The following U2AF2 variants were observed in gnomAD, a reference collection of about 807,000 sequenced individuals.
The protein encoded by U2AF2 is U2 small nuclear RNA auxiliary factor 2, also known as splicing factor U2AF 65 kDa subunit.
Under a neutral mutation model 52.6 loss-of-function variants are expected in U2AF2, and 6 were observed. That is an observed-to-expected ratio of 0.11 (90% CI 0.06 to 0.23). U2AF2 has a LOEUF of 0.23. Ranked by LOEUF, U2AF2 falls within the 10% of genes least tolerant of loss-of-function variation. The pLI, the probability that U2AF2 is intolerant of heterozygous loss-of-function variation, is 1.00. For synonymous variants in U2AF2, 284 were observed against 258.2 expected (o/e 1.10, Z -0.96); for missense variants, 222 against 677.1 (o/e 0.33, Z 7.46).
chr19:55,655,388 C>T lies in U2AF2; in HGVS notation c.49+235C>T, dbSNP rs1983717070. Among the ~76,000 whole-genome samples the T allele has an allele frequency of 2.0e-5, 3 of 152,168 alleles. No individual in the cohort carries two copies. In the South Asian group the frequency reaches 6.2e-4, roughly 31 times the overall value. ...GTGACGCATGCGCACGGCGGCTGTC[C>T]CTGCGCCCCACGTGGTCCTGGCGGA... is the stretch of plus-strand genomic sequence containing the variant. On this transcript the variant is annotated intron_variant, in intron 1 of 11. Coordinates refer to ENST00000308924, the MANE Select transcript of U2AF2 (RefSeq NM_007279.3).
intron 7 of U2AF2, among the ~76,000 whole-genome samples, chr19:55,666,633 T>TG (rs1307189827): frequency 6.6e-6 from 1 of 152,228 alleles, no homozygotes; most frequent in Non-Finnish European, 1.5e-5. Flanking sequence ...GCTCACACGA[T>TG]GGGCACCAGG....
intron 5 of U2AF2, chr19:55,661,407 C>T: frequency 2.0e-6 from 1 of 509,980 alleles, no homozygotes; most frequent in Non-Finnish European, 3.4e-6. Flanking sequence ...CCCCTCCCCC[C>T]AACCTCCTCC....
In U2AF2 at chr19:55,655,098, C is replaced by T; in HGVS notation, c.-7C>T. The T allele has an allele frequency of 6.2e-7, 1 of 1,606,216 alleles. No homozygotes were observed. ...AGCTGCACAGGGCCCTACGCGGCCG[C>T]CTCAGCATGTCGGACTTCGACGAGT... On this transcript the variant is annotated 5_prime_UTR_variant, in exon 1 of 12. Coordinates refer to ENST00000308924, the MANE Select transcript of U2AF2 (RefSeq NM_007279.3).
At position 55,663,731 on chromosome 19, in the gene U2AF2, C is replaced by T. The variant is rs139711814; in HGVS notation, c.729C>T (p.Ser243=). The part of the protein sequence containing the change: ...QPLPGMSENP[S]VYVPGVVSTV... ...TTCCTGGCATGTCAGAGAACCCCTC[C>T]GTCTATGTGCCTGGTGAGTGGGGGA... Residue 243 remains serine (S), a synonymous_variant, in exon 7 of 12, where the codon TCC becomes TCT. Transcript: ENST00000308924. 1.1e-3 allele frequency: 1,705 copies of T among 1,614,138 alleles called. 6 individuals carry two copies. The highest frequency in any genetic ancestry group is 8.1e-4 in the Non-Finnish European group (953 of 1,180,014).
intron 10 of U2AF2, 63 bp from the exon 11 acceptor site, chr19:55,669,381 C>A (rs573781476): frequency 3.9e-6 from 6 of 1,555,978 alleles, no homozygotes; most frequent in South Asian, 1.2e-5. Context: ...GGGGCCTAGG[C>A]TTGAGCAGAG....
At chr19:55,655,252 C>G in intron 1 of U2AF2, 99 bp downstream of exon 1, 1 of 1,320,644 alleles carries the variant, frequency 7.6e-7, no homozygotes, top group Non-Finnish European at 1.0e-6. Flanking sequence ...CACTTCACGG[C>G]CGCGCGGCGC....
At chr19:55,669,356 T>C in intron 10 of U2AF2, 88 bp from the exon 11 acceptor site, 1 of 1,543,304 alleles carries the variant, frequency 6.5e-7, no homozygotes. Context: ...GCCTTTCCCC[T>C]GGGGGGGCAT....
At chr19:55,658,009 A>G (rs1214666729) in intron 1 of U2AF2, among the ~76,000 whole-genome samples, 1 of 152,150 alleles carries the variant, frequency 6.6e-6, no homozygotes, top group Non-Finnish European at 1.5e-5. Context: ...TGCTGGGTGC[A>G]TATTTTTCTG....
In U2AF2 at chr19:55,674,442, T is replaced by C. The variant is rs756238986; in HGVS notation, c.*374T>C. The C allele has an allele frequency of 1.0e-5, 2 of 192,462 alleles. No homozygotes were observed. Among genetic ancestry groups the C allele is most frequent in the African/African-American group, 4.7e-5 (2 of 42,576 alleles). 11.9% of individuals were successfully genotyped at this position (192,462 alleles called of 1,614,324 possible). On this transcript the variant is annotated 3_prime_UTR_variant, in exon 12 of 12. Coordinates refer to ENST00000308924, the MANE Select transcript of U2AF2 (RefSeq NM_007279.3). The stretch of plus-strand genomic sequence containing the variant: ...TCTCCCCTTCCCCACGGTAGGAACA[T>C]AGCGTGTTTATATTTTATGGCCAAA...
At chr19:55,658,353 G>T (rs1983933826) in intron 1 of U2AF2, among the ~76,000 whole-genome samples, 1 of 144,520 alleles carries the variant, frequency 6.9e-6, no homozygotes, top group Non-Finnish European at 1.5e-5. Flanking sequence ...CTCTCTTCAG[G>T]GGTTGAAGGG....
At chr19:55,670,110 C>T (rs1984798218) in intron 11 of U2AF2, among the ~76,000 whole-genome samples, 1 of 152,076 alleles carries the variant, frequency 6.6e-6, no homozygotes, top group South Asian at 2.1e-4. Context: ...TGCCAGGCAC[C>T]CTGCCGAAGC....
In U2AF2 at chr19:55,668,997, G is replaced by T; in HGVS notation, c.946-86G>T. 1 of 1,516,064 alleles carries T rather than the reference G, an allele frequency of 6.6e-7. No individual in the cohort carries two copies. Among genetic ancestry groups the T allele is most frequent in the Non-Finnish European group, 9.0e-7 (1 of 1,115,638 alleles). 93.9% of individuals were successfully genotyped at this position (1,516,064 alleles called of 1,614,324 possible). On this transcript the variant is annotated intron_variant, in intron 9 of 11. Coordinates refer to ENST00000308924, the MANE Select transcript of U2AF2 (RefSeq NM_007279.3). This position sits in a 1 kb window ranked among gnomAD's most constrained non-coding sequence, Gnocchi z 5.5. ...TGCCTTCCCCTCTTCCCCCACCAAT[G>T]CCCCGGCTTGGGGGTAGGTGTCGGG...
At position 55,661,111 on chromosome 19, in the gene U2AF2, G is replaced by C. The variant is rs146189486; in HGVS notation, c.408G>C (p.Pro136=). 153 of 1,612,406 alleles carry C rather than the reference G, an allele frequency of 9.5e-5. 1 individual carries two copies. The African/African-American group carries it at 1.9e-3, about 20-fold the overall frequency. ...TPDGLAVTPT[P]VPVVGSQMTR... The stretch of plus-strand genomic sequence containing the variant: ...ACGGTCTGGCTGTGACCCCAACGCC[G>C]GTGCCCGTGGTCGGGAGCCAGATGA... Residue 136 remains proline (P), a synonymous_variant, in exon 5 of 12, where the codon CCG becomes CCC. Transcript: ENST00000308924.
Position 55,659,291 on chromosome 19 carries a change from G to A in U2AF2, c.131G>A (p.Arg44His), listed in dbSNP as rs555530437. The A allele has an allele frequency of 1.3e-5, 21 of 1,598,000 alleles. No individual in the cohort carries two copies. The highest frequency in any genetic ancestry group is 1.7e-4 in the Middle Eastern group (1 of 5,950). The change falls in exon 2 of 12, where the codon CGC becomes CAC. Residue 44 changes from arginine to histidine, a missense_variant. By Grantham distance (29) the Arg-to-His change is conservative (BLOSUM62 0). Transcript: ENST00000308924. Reference protein sequence around the residue: ...SRDRKRRSRSRDRRNRDQRSA... With the variant: ...SRDRKRRSRSHDRRNRDQRSA... ...GACCGCAAACGCCGGAGCCGGAGCCGCGACCGGCGCAACCGGGACCAGCGG... is the reference window on the plus strand; with the variant it reads ...GACCGCAAACGCCGGAGCCGGAGCCACGACCGGCGCAACCGGGACCAGCGG...
Position 55,674,353 on chromosome 19 carries a change from C to T in U2AF2, c.*285C>T, listed in dbSNP as rs1273589979. 25 of 392,422 alleles carry T rather than the reference C, an allele frequency of 6.4e-5. 1 individual carries two copies. In the South Asian group the frequency reaches 7.2e-4, roughly 11 times the overall value. The allele number at this position is 392,422 out of a possible 1,614,324, so 24.3% of individuals were successfully genotyped here. ...GTTGGGATGGGGACAGGGTGCACAG[C>T]AGGGCGGGGTAGGACCCCAGCCCCT... is the stretch of plus-strand genomic sequence containing the variant. On this transcript the variant is annotated 3_prime_UTR_variant, in exon 12 of 12. Coordinates refer to ENST00000308924, the MANE Select transcript of U2AF2 (RefSeq NM_007279.3).
rs1255888257 is a variant in U2AF2 at position 55,668,388 on chromosome 19, C to G, written c.743-119C>G. 1.9e-6 allele frequency: 2 copies of G among 1,036,504 alleles called. No individual in the cohort carries two copies. The highest frequency in any genetic ancestry group is 2.7e-6 in the Non-Finnish European group (2 of 729,820). The allele number at this position is 1,036,504 out of a possible 1,614,324, so 64.2% of individuals were successfully genotyped here. On this transcript the variant is annotated intron_variant, in intron 7 of 11. Coordinates refer to ENST00000308924, the MANE Select transcript of U2AF2 (RefSeq NM_007279.3). This position sits in a 1 kb window ranked among gnomAD's most constrained non-coding sequence, Gnocchi z 5.5. ...TGGGGTGGGCACGTGGCGACCCCTC[C>G]CTCGTCAGATCAGGCAGGAAGTGTT...
chr19:55,667,652 T>C (rs976144315), intron 7 of U2AF2, among the ~76,000 whole-genome samples: 8 of 152,220 alleles, frequency 5.3e-5, no homozygotes, highest in Admixed American at 2.6e-4. Context: ...GAGCAGCTAA[T>C]GCTGCGGATG....
Position 55,660,498 on chromosome 19 carries a change from C to A in U2AF2, c.231-18C>A. 1 of 863,396 alleles carries A rather than the reference C, an allele frequency of 1.2e-6. No individual in the cohort carries two copies. The highest frequency in any genetic ancestry group is 1.9e-6 in the Non-Finnish European group (1 of 522,674). 53.5% of individuals were successfully genotyped at this position (863,396 alleles called of 1,614,324 possible). ...ACTGAGGTTGCCCTGCCCCGCTCTCCCCTCCCACCTCCCCCAGTCGTTCCC... is the reference window on the plus strand; with the variant it reads ...ACTGAGGTTGCCCTGCCCCGCTCTCACCTCCCACCTCCCCCAGTCGTTCCC... On this transcript the variant is annotated intron_variant, in intron 3 of 11. Transcript: ENST00000308924.
At chr19:55,670,030 T>A (rs1223924498) in intron 11 of U2AF2, among the ~76,000 whole-genome samples, 1 of 151,970 alleles carries the variant, frequency 6.6e-6, no homozygotes, top group Admixed American at 6.5e-5. Context: ...GTGCAAATGG[T>A]TTTGCCTGGT....
Sources: allele counts gnomAD v4.1 joint callset (sites outside exome capture counted in the v4.1 genomes callset), GRCh38; gene constraint gnomAD v4.1.1; non-coding constraint Gnocchi (gnomAD v3.1); transcripts MANE v1.5; gene names NCBI Gene and HGNC (gene_info 2026-07-23, HGNC 2026-07-21).